The following TSN variants were observed in gnomAD, a reference collection of about 807,000 sequenced individuals.
TSN encodes translin.
TSN carries 5 observed loss-of-function variants against 29.4 expected under a neutral mutation model. The observed-to-expected ratio is 0.17, with a 90% CI of 0.09 to 0.36. The LOEUF (loss-of-function observed/expected upper bound fraction) is 0.36, where lower values mean the gene tolerates loss of function less well. TSN is among the 10% of genes least tolerant of loss of function. The probability of loss-of-function intolerance (pLI) is 1.00; values close to 1 mark genes in which losing one functional copy is unlikely to be tolerated. For synonymous variants in TSN, 106 were observed against 102.2 expected, an observed-to-expected ratio of 1.04 and a Z score of -0.23; for missense variants, 159 against 272.8, an observed-to-expected ratio of 0.58 and a Z score of 2.94.
chr2:121,757,678 C>T (rs1017641811), intron 2 of TSN: 4 of 217,806 alleles, frequency 1.8e-5, no homozygotes, highest in Admixed American at 1.7e-4. Context: ...TTTTCTGAGA[C>T]GGAGTTTCAC....
At chr2:121,758,042 T>C (rs1260189977) in intron 2 of TSN, among the ~76,000 whole-genome samples, 1 of 152,156 alleles carries the variant, frequency 6.6e-6, no homozygotes, top group Non-Finnish European at 1.5e-5. Context: ...TATGTGTGTA[T>C]GTGTGTATAT....
rs1248074774 is a variant in TSN at position 121,765,676 on chromosome 2, G to GTACT, written c.*310_*313dup. Reference sequence around the variant, plus strand: ...TTTCTTGCTTACCTTGACTGTTGATGTACTGATTGAGAAGTTCATTGTCTC... The same window carrying GTACT: ...TTTCTTGCTTACCTTGACTGTTGATGTACTTACTGATTGAGAAGTTCATTGTCTC... On this transcript the variant is annotated 3_prime_UTR_variant, in exon 6 of 6. Coordinates refer to ENST00000389682, the MANE Select transcript of TSN (RefSeq NM_004622.3). The GTACT allele has an allele frequency of 2.9e-6, 1 of 340,728 alleles. No individual in the cohort carries two copies. The highest frequency in any genetic ancestry group is 2.1e-5 in the African/African-American group (1 of 47,566). The allele number at this position is 340,728 out of a possible 1,614,324, so 21.1% of individuals were successfully genotyped here.
At chr2:121,756,712 C>T (rs1264507495) in intron 1 of TSN, 37 of 968,382 alleles carry the variant, frequency 3.8e-5, no homozygotes, top group Non-Finnish European at 4.8e-5. Flanking sequence ...TGAGACCAGC[C>T]TGGCCAACAT....
intron 3 of TSN, among the ~76,000 whole-genome samples, chr2:121,759,365 T>G (rs1435459148): frequency 6.6e-6 from 1 of 152,092 alleles, no homozygotes; most frequent in African/African-American, 2.4e-5. Context: ...TCCTAGCACT[T>G]TGGGAGGCCT....
At chr2:121,756,608 TAAAAATG>T in intron 1 of TSN, 1 of 1,299,208 alleles carries the variant, frequency 7.7e-7, no homozygotes, top group Non-Finnish European at 1.0e-6. Flanking sequence ...GTGAATATTT[TAAAAATG>T]AATTAGAGGC....
At chr2:121,762,131 T>TA (rs981433263) in intron 4 of TSN, among the ~76,000 whole-genome samples, 64 of 152,146 alleles carry the variant, frequency 4.2e-4, no homozygotes, top group Admixed American at 4.0e-3. Flanking sequence ...TAGCTGGAAT[T>TA]ACAGGCATGC....
Position 121,761,527 on chromosome 2 carries a change from A to G in TSN, c.373+3A>G. ...AGCAGTTACAGAAATTCTTGGCAGT[A>G]AGTGTCTTTATTAGTGGGATCTGCA... On this transcript the variant is annotated splice_donor_region_variant and intron_variant, in intron 4 of 5. Coordinates refer to ENST00000389682, the MANE Select transcript of TSN (RefSeq NM_004622.3). 1 of 1,607,584 alleles carries G rather than the reference A, an allele frequency of 6.2e-7. No homozygotes were observed. The highest frequency in any genetic ancestry group is 8.5e-7 in the Non-Finnish European group (1 of 1,174,024).
intron 1 of TSN, chr2:121,756,245 C>CT (rs2074745192): frequency 3.9e-6 from 1 of 257,342 alleles, no homozygotes; most frequent in Non-Finnish European, 7.8e-6. Context: ...TCAGACTCTA[C>CT]TGTGGCTCAC....
rs769544101 is a variant in TSN at position 121,765,389 on chromosome 2, C to T, written c.*22C>T. On this transcript the variant is annotated 3_prime_UTR_variant, in exon 6 of 6. Coordinates refer to ENST00000389682, the MANE Select transcript of TSN (RefSeq NM_004622.3). ...ATAGGAGGCTCTCCTTGCTCCTGGC[C>T]TTGCTGACCTCAGCGGTTGCCAGGA... is the stretch of plus-strand genomic sequence containing the variant. 3 of 1,611,066 alleles carry T rather than the reference C, an allele frequency of 1.9e-6. No homozygotes were observed. In the African/African-American group the frequency reaches 4.0e-5, roughly 22 times the overall value.
At chr2:121,762,230 G>A (rs1205924031) in intron 4 of TSN, among the ~76,000 whole-genome samples, 5 of 152,140 alleles carry the variant, frequency 3.3e-5, no homozygotes, top group Non-Finnish European at 5.9e-5. Context: ...GACCTCAGGT[G>A]ATCCGCCTGC....
chr2:121,756,404 C>T (rs1389583301), intron 1 of TSN: 1 of 243,656 alleles, frequency 4.1e-6, no homozygotes, highest in Non-Finnish European at 9.0e-6. Flanking sequence ...TCGTATTTAT[C>T]TCATTGGCGT....
Position 121,756,582 on chromosome 2 carries a change from C to A in TSN, c.67-658C>A, listed in dbSNP as rs570502000. On this transcript the variant is annotated intron_variant, in intron 1 of 5. Coordinates refer to ENST00000389682, the MANE Select transcript of TSN (RefSeq NM_004622.3). ...TCCCCGGTATTTACACAGTGCCTCGCACATAAGTATGCTCAGTGAATATTT... is the reference window on the plus strand; with the variant it reads ...TCCCCGGTATTTACACAGTGCCTCGAACATAAGTATGCTCAGTGAATATTT... The A allele has an allele frequency of 1.5e-5, 19 of 1,267,304 alleles. No individual in the cohort carries two copies. The Admixed American group carries it at 3.1e-4, about 20-fold the overall frequency. The allele number at this position is 1,267,304 out of a possible 1,614,324, so 78.5% of individuals were successfully genotyped here.
intron 1 of TSN, chr2:121,756,563 G>A (rs2074751333): frequency 3.6e-6 from 4 of 1,117,806 alleles, no homozygotes; most frequent in Non-Finnish European, 3.6e-6. Flanking sequence ...TGGTTCCCCG[G>A]TATTTACACA....
chr2:121,763,355 C>T (rs2074857960), intron 5 of TSN, among the ~76,000 whole-genome samples: 1 of 152,072 alleles, frequency 6.6e-6, no homozygotes, highest in South Asian at 2.1e-4. Flanking sequence ...CCGTGTTAGC[C>T]AGGATGGTCT....
chr2:121,762,814 T>C (rs530849190), intron 4 of TSN, among the ~76,000 whole-genome samples, 191 bp from the exon 5 acceptor site: 4 of 152,344 alleles, frequency 2.6e-5, no homozygotes, highest in East Asian at 1.9e-4. Flanking sequence ...GAAGACTGAA[T>C]TGAATTTTGC....
intron 1 of TSN, chr2:121,756,345 G>C (rs765324310): frequency 4.5e-5 from 11 of 242,628 alleles, no homozygotes; most frequent in Non-Finnish European, 9.5e-5. Context: ...CTTCCTGCCT[G>C]TTTGCTTTTC....
intron 3 of TSN, among the ~76,000 whole-genome samples, chr2:121,760,129 G>A (rs1339766356): frequency 2.0e-5 from 3 of 152,196 alleles, no homozygotes; most frequent in Admixed American, 6.5e-5. Flanking sequence ...ATTTACAGCC[G>A]CTTCCCATCA....
At chr2:121,757,378 G>A (rs2074765440) in intron 2 of TSN, 45 bp downstream of exon 2, 1 of 1,612,482 alleles carries the variant, frequency 6.2e-7, no homozygotes, top group Admixed American at 1.7e-5. Flanking sequence ...CTTATTTAGA[G>A]GGAGAGTTTC....
At position 121,765,622 on chromosome 2, in the gene TSN, T is replaced by C; in HGVS notation, c.*255T>C. ...AGTGTATTTCAGTTCCGTCAGAAAG[T>C]GTAAATGTTAGTTTCTTGGTAAAGT... On this transcript the variant is annotated 3_prime_UTR_variant, in exon 6 of 6. Transcript: ENST00000389682. The C allele has an allele frequency of 2.0e-6, 1 of 503,392 alleles. No homozygotes were observed. Among genetic ancestry groups the C allele is most frequent in the Non-Finnish European group, 3.5e-6 (1 of 282,560 alleles). The allele number at this position is 503,392 out of a possible 1,614,324, so 31.2% of individuals were successfully genotyped here.
Sources: gnomAD v4.1 joint callset for allele counts (sites outside exome capture counted in the v4.1 genomes callset) on GRCh38, gnomAD v4.1.1 for gene constraint, MANE v1.5 for transcripts, NCBI Gene and HGNC (gene_info 2026-07-23, HGNC 2026-07-21) for gene names.